Variants in PLD5 observed in about 807,000 individuals in gnomAD.
PLD5 encodes the protein phospholipase D family member 5.
A neutral mutation model predicts 61.1 loss-of-function variants in PLD5; 36 were observed. The ratio of observed to expected loss-of-function variants is 0.59; its 90% confidence interval spans 0.45 to 0.78. The LOEUF (loss-of-function observed/expected upper bound fraction) is 0.78. Among genes scored for constraint, PLD5 ranks in the 30% least tolerant of loss-of-function variants. The probability of loss-of-function intolerance (pLI) is 0.00; values close to 1 mark genes in which losing one functional copy is unlikely to be tolerated. For missense variants in PLD5, 515 were observed against 644.4 expected (o/e 0.80, Z 2.17); for synonymous variants, 243 against 242.8 (o/e 1.00, Z -0.01).
At chr1:242,217,342 G>A (rs1405569493) in intron 5 of PLD5, among the ~76,000 whole-genome samples, 1 of 152,180 alleles carries the variant, frequency 6.6e-6, no homozygotes, top group Non-Finnish European at 1.5e-5. Flanking sequence ...ACATTTGTTG[G>A]CCAGGCACGG....
intron 1 of PLD5, among the ~76,000 whole-genome samples, chr1:242,452,099 C>T (rs945335126): frequency 6.6e-6 from 1 of 152,122 alleles, no homozygotes; most frequent in Non-Finnish European, 1.5e-5. Flanking sequence ...ACATTAATCA[C>T]GGGGGCGCAC....
At chr1:242,287,048 G>A (rs2653192) in intron 3 of PLD5, among the ~76,000 whole-genome samples, 151,765 of 152,234 alleles carry the variant, frequency 1, 75,653 homozygotes, top group Middle Eastern at 1. Context: ...GCTTCTACCA[G>A]TGGAATAGAT....
intron 1 of PLD5, among the ~76,000 whole-genome samples, chr1:242,397,564 G>A (rs537454647): frequency 1.3e-5 from 2 of 152,020 alleles, no homozygotes; most frequent in Admixed American, 1.3e-4. Flanking sequence ...GCAAAACATC[G>A]AGGATATGTT....
intron 5 of PLD5, among the ~76,000 whole-genome samples, chr1:242,157,146 G>C (rs555367117): frequency 6.6e-6 from 1 of 151,854 alleles, no homozygotes; most frequent in Non-Finnish European, 1.5e-5. Context: ...TGATCAATTC[G>C]GCTATTGATA....
At position 242,087,599 on chromosome 1, in the gene PLD5, T is replaced by C. The variant is rs1272400381; in HGVS notation, c.*2255A>G. 2 of 152,110 alleles carry C rather than the reference T, an allele frequency of 1.3e-5. No homozygotes were observed. The highest frequency in any genetic ancestry group is 2.9e-5 in the Non-Finnish European group (2 of 68,022). 9.4% of individuals were successfully genotyped at this position (152,110 alleles called of 1,614,324 possible). A position where few individuals can be genotyped will look rare whatever the true frequency, so the allele number is the denominator to read the frequency against. Reference sequence around the variant, plus strand: ...TTGTCTCCACTCCTATTCTGATTCCTTCTTTCCTTTCTGTATTTATTTATT... The same window carrying C: ...TTGTCTCCACTCCTATTCTGATTCCCTCTTTCCTTTCTGTATTTATTTATT... On this transcript the variant is annotated 3_prime_UTR_variant, in exon 10 of 10. Transcript: ENST00000536534.
At chr1:242,374,476 C>G (rs1211098710) in intron 1 of PLD5, among the ~76,000 whole-genome samples, 1 of 152,158 alleles carries the variant, frequency 6.6e-6, no homozygotes, top group Non-Finnish European at 1.5e-5. Flanking sequence ...ACCTGCTCGC[C>G]TATCTCTCAA....
intron 4 of PLD5, among the ~76,000 whole-genome samples, chr1:242,244,373 G>A (rs1489156708): frequency 6.6e-6 from 1 of 152,114 alleles, no homozygotes; most frequent in Non-Finnish European, 1.5e-5. Flanking sequence ...ATACACATGG[G>A]GACAAAGAGG....
intron 2 of PLD5, among the ~76,000 whole-genome samples, chr1:242,329,248 G>T (rs1175826274): frequency 6.6e-6 from 1 of 152,112 alleles, no homozygotes; most frequent in Non-Finnish European, 1.5e-5. Flanking sequence ...GATGTCAGGT[G>T]ATCTACCCGA....
At chr1:242,482,360 TA>T (rs1464819486) in intron 1 of PLD5, among the ~76,000 whole-genome samples, 5 of 152,096 alleles carry the variant, frequency 3.3e-5, no homozygotes, top group African/African-American at 4.8e-5. Context: ...GAGAAGTCCT[TA>T]AAGGACCTGA....
chr1:242,228,338 C>T (rs1407860283), intron 4 of PLD5, among the ~76,000 whole-genome samples: 4 of 152,164 alleles, frequency 2.6e-5, no homozygotes, highest in Non-Finnish European at 5.9e-5. Flanking sequence ...GCAGCGTATA[C>T]ATGCATCATT....
At chr1:242,231,021 C>A (rs1671264348) in intron 4 of PLD5, among the ~76,000 whole-genome samples, 1 of 152,138 alleles carries the variant, frequency 6.6e-6, no homozygotes, top group South Asian at 2.1e-4. Context: ...AAAATAAAGA[C>A]TGTGCTCAAA....
At chr1:242,228,993 G>A (rs975053387) in intron 4 of PLD5, among the ~76,000 whole-genome samples, 4 of 152,062 alleles carry the variant, frequency 2.6e-5, no homozygotes, top group Non-Finnish European at 1.5e-5. Context: ...TTTATTTTCT[G>A]CATACATAAT....
chr1:242,285,232 A>G (rs1674954100), intron 3 of PLD5, among the ~76,000 whole-genome samples: 1 of 152,212 alleles, frequency 6.6e-6, no homozygotes, highest in Admixed American at 6.5e-5. Flanking sequence ...ACCTTTCTAC[A>G]TCAATAACAT....
intron 5 of PLD5, among the ~76,000 whole-genome samples, chr1:242,167,473 T>A (rs1311325300): frequency 6.6e-6 from 1 of 152,202 alleles, no homozygotes; most frequent in Non-Finnish European, 1.5e-5. Flanking sequence ...AAAACCCATC[T>A]CTGTGATTCA....
At chr1:242,498,041 T>C (rs929222420) in intron 1 of PLD5, among the ~76,000 whole-genome samples, 1 of 152,218 alleles carries the variant, frequency 6.6e-6, no homozygotes, top group African/African-American at 2.4e-5. Context: ...CTCAGCTCAC[T>C]GCAACCTCCA....
intron 2 of PLD5, among the ~76,000 whole-genome samples, chr1:242,336,919 G>A (rs1659546130): frequency 6.6e-6 from 1 of 152,214 alleles, no homozygotes; most frequent in African/African-American, 2.4e-5. Context: ...GGTCAAACAA[G>A]TTACACACTA....
At chr1:242,092,498 C>T (rs1659913675) in intron 9 of PLD5, among the ~76,000 whole-genome samples, 1 of 152,152 alleles carries the variant, frequency 6.6e-6, no homozygotes, top group South Asian at 2.1e-4. Context: ...ACAAAATTAT[C>T]TTCGAAATTA....
chr1:242,513,321 G>C (rs1393682930), intron 1 of PLD5, among the ~76,000 whole-genome samples: 2 of 152,192 alleles, frequency 1.3e-5, no homozygotes, highest in African/African-American at 4.8e-5. Flanking sequence ...TGTTTCAATA[G>C]TCAAGTTTAT....
intron 7 of PLD5, 73 bp from the exon 8 acceptor site, chr1:242,107,912 G>A (rs962202693): frequency 1.5e-6 from 2 of 1,362,942 alleles, no homozygotes; most frequent in African/African-American, 2.9e-5. Context: ...AGACAGCATA[G>A]AACATTGATA....
Sources: allele counts gnomAD v4.1 joint callset (sites outside exome capture counted in the v4.1 genomes callset), GRCh38; gene constraint gnomAD v4.1.1; transcripts MANE v1.5; gene names NCBI Gene and HGNC (gene_info 2026-07-23, HGNC 2026-07-21).